ADCK2: variants seen among roughly 807,000 people sequenced by gnomAD.
The protein encoded by ADCK2 is aarF domain containing kinase 2, also known as uncharacterized aarF domain-containing protein kinase 2.
Under a neutral mutation model 52.3 loss-of-function variants are expected in ADCK2, and 37 were observed. The observed-to-expected ratio is 0.71, with a 90% confidence interval of 0.54 to 0.93. The LOEUF (loss-of-function observed/expected upper bound fraction) is 0.93, where lower values mean the gene tolerates loss of function less well. Ranked by LOEUF, ADCK2 falls within the 40% of genes least tolerant of loss-of-function variation. The probability of loss-of-function intolerance (pLI) is 0.00; values close to 1 mark genes in which losing one functional copy is unlikely to be tolerated. For synonymous variants in ADCK2, 321 were observed against 349.2 expected, an observed-to-expected ratio of 0.92 and a Z score of 0.90; for missense variants, 695 against 798.7, an observed-to-expected ratio of 0.87 and a Z score of 1.56.
intron 4 of ADCK2, 52 bp downstream of exon 4, chr7:140,681,189 A>T (rs1302624419): frequency 1.9e-6 from 3 of 1,560,788 alleles, no homozygotes; most frequent in Non-Finnish European, 2.6e-6. Flanking sequence ...CAGCTTGCAG[A>T]TGGGGAGTGG....
chr7:140,673,411 C>T lies in ADCK2; in HGVS notation c.81C>T (p.Leu27=), dbSNP rs910334503. The T allele has an allele frequency of 6.3e-7, 1 of 1,596,030 alleles. No homozygotes were observed. The highest frequency in any genetic ancestry group is 1.1e-5 in the South Asian group (1 of 88,780). ...RCFELRQGLS[L]LRPSECPRDA... is the part of the protein sequence containing the mutation. ...TCGAGCTCAGACAGGGACTCAGCCT[C>T]CTGAGGCCCTCCGAGTGCCCTCGCG... The change falls in exon 1 of 8, where the codon CTC becomes CTT. Residue 27 remains leucine, a synonymous_variant. Transcript: ENST00000072869. This position sits in a 1 kb window ranked among gnomAD's most constrained non-coding sequence, Gnocchi z 6.4.
chr7:140,681,318 T>G (rs1203579545), intron 4 of ADCK2, among the ~76,000 whole-genome samples, 181 bp downstream of exon 4: 1 of 151,074 alleles, frequency 6.6e-6, no homozygotes, highest in Admixed American at 6.6e-5. Context: ...TGTGAAGCTC[T>G]TTTATTTTTT....
Position 140,687,069 on chromosome 7 carries a change from G to GCTGC in ADCK2, c.1385_1386insCTGC (p.Gln463CysfsTer13). On this transcript the variant is annotated frameshift_variant, in exon 5 of 8. Coordinates refer to ENST00000072869, the MANE Select transcript of ADCK2 (RefSeq NM_052853.4). LOFTEE classifies it high-confidence loss of function. ...CAGGGTGCCAACGGCCTGTCCTCGA[G>GCTGC]TCAGGAGGCGCAGCTGCAGCAGGCG... is the stretch of plus-strand genomic sequence containing the variant. The GCTGC allele has an allele frequency of 6.2e-7, 1 of 1,614,062 alleles. No individual in the cohort carries two copies. Among genetic ancestry groups the GCTGC allele is most frequent in the African/African-American group, 1.3e-5 (1 of 75,040 alleles).
rs568864843 is a variant in ADCK2, at chr7:140,678,782, G to A, written c.1081-373G>A. Among the ~76,000 whole-genome samples the A allele has an allele frequency of 1.6e-3, 247 of 152,310 alleles. 2 individuals carry two copies. Among genetic ancestry groups the A allele is most frequent in the African/African-American group, 5.7e-3 (236 of 41,566 alleles). On this transcript the variant is annotated intron_variant, in intron 2 of 7. Transcript: ENST00000072869. The surrounding 1 kb of genome is among the most constrained non-coding windows in gnomAD (Gnocchi z 4.9). ...CCCTGTGTGGAAGCGCCCACAGCAC[G>A]CTGGCCCTAATGGAAAGAGAGGGCT...
rs898825408 is a variant in ADCK2, at chr7:140,694,970, A to G, written c.*167A>G. 2.9e-6 allele frequency: 4 copies of G among 1,375,494 alleles called. No homozygotes were observed. The South Asian group carries it at 5.5e-5, about 19-fold the overall frequency. 85.2% of individuals were successfully genotyped at this position (1,375,494 alleles called of 1,614,324 possible). ...CTCTGCTTGGTTTGAGGGTCTGTTCAAAAGCTTTGGGCCAATTAGGGAGTA... is the reference window on the plus strand; with the variant it reads ...CTCTGCTTGGTTTGAGGGTCTGTTCGAAAGCTTTGGGCCAATTAGGGAGTA... On this transcript the variant is annotated 3_prime_UTR_variant, in exon 8 of 8. Coordinates refer to ENST00000072869, the MANE Select transcript of ADCK2 (RefSeq NM_052853.4).
Position 140,678,238 on chromosome 7 carries a change from G to A in ADCK2, c.1081-917G>A, listed in dbSNP as rs1053430960. On this transcript the variant is annotated intron_variant, in intron 2 of 7. Transcript: ENST00000072869. The surrounding 1 kb of genome is among the most constrained non-coding windows in gnomAD (Gnocchi z 4.9). The stretch of plus-strand genomic sequence containing the variant: ...CATTGGGCCATTGCTGTGCACGGAG[G>A]GGAAGAGAGAAGGCATGATCTGGGG... 5.3e-5 allele frequency among the ~76,000 whole-genome samples: 8 copies of A among 152,180 alleles called. No individual in the cohort carries two copies. Among genetic ancestry groups the A allele is most frequent in the African/African-American group, 1.7e-4 (7 of 41,434 alleles).
At position 140,689,653 on chromosome 7, in the gene ADCK2, C is replaced by T. The variant is rs149935474; in HGVS notation, c.1614C>T (p.Asp538=). 7.7e-5 allele frequency: 124 copies of T among 1,613,536 alleles called. No homozygotes were observed. In the African/African-American group the frequency reaches 1.4e-3, roughly 18 times the overall value. The change falls in exon 6 of 8, where the codon GAC becomes GAT. Residue 538 remains aspartate (D), a synonymous_variant. Transcript: ENST00000072869. ...ATGCCCGGGCCAGCGAGTGCAGGGA[C>T]GTGGAGGGGTTCAAAACCGAGATGG... ...LHHARASECR[D]VEGFKTEMAM... is the part of the protein sequence containing the mutation.
chr7:140,682,218 C>T (rs1396163612), intron 4 of ADCK2, among the ~76,000 whole-genome samples: 1 of 152,086 alleles, frequency 6.6e-6, no homozygotes, highest in Non-Finnish European at 1.5e-5. Flanking sequence ...GGGATAGGTA[C>T]GGGGTACCAA....
chr7:140,691,715 G>A (rs1357577693), intron 7 of ADCK2, among the ~76,000 whole-genome samples: 1 of 152,240 alleles, frequency 6.6e-6, no homozygotes, highest in Non-Finnish European at 1.5e-5. Flanking sequence ...GACCTCGTTG[G>A]AAGATGGCCT....
chr7:140,686,913 C>T lies in ADCK2; in HGVS notation c.1306-77C>T, dbSNP rs1463728692. The T allele has an allele frequency of 2.6e-6, 4 of 1,565,430 alleles. No individual in the cohort carries two copies. The East Asian group carries it at 9.0e-5, about 35-fold the overall frequency. Reference sequence around the variant, plus strand: ...ATAGAGTGCTGGGAGCTTATTGTCACCTGGCAACTTTCTTTCTCTGTAGGT... The same window carrying T: ...ATAGAGTGCTGGGAGCTTATTGTCATCTGGCAACTTTCTTTCTCTGTAGGT... On this transcript the variant is annotated intron_variant, in intron 4 of 7. Coordinates refer to ENST00000072869, the MANE Select transcript of ADCK2 (RefSeq NM_052853.4).
At chr7:140,685,388 T>G (rs889527164) in intron 4 of ADCK2, among the ~76,000 whole-genome samples, 1 of 151,312 alleles carries the variant, frequency 6.6e-6, no homozygotes, top group African/African-American at 2.4e-5. Context: ...AAGTGGAGGT[T>G]GCAGTGAGCC....
chr7:140,678,076 GAGGA>G lies in ADCK2; in HGVS notation c.1081-1074_1081-1071del, dbSNP rs2130781555. Among the ~76,000 whole-genome samples, 2 of 152,296 alleles carry G rather than the reference GAGGA, an allele frequency of 1.3e-5. No homozygotes were observed. Among genetic ancestry groups the G allele is most frequent in the Admixed American group, 6.5e-5 (1 of 15,296 alleles). On this transcript the variant is annotated intron_variant, in intron 2 of 7. Transcript: ENST00000072869. The surrounding 1 kb of genome is among the most constrained non-coding windows in gnomAD (Gnocchi z 4.9). ...TTCACCATGCAGGTAATGGATTGGA[GAGGA>G]AGGATGGGTCAAGGAGCACACTCGA...
At chr7:140,682,112 C>CT (rs1794526463) in intron 4 of ADCK2, among the ~76,000 whole-genome samples, 2 of 152,190 alleles carry the variant, frequency 1.3e-5, no homozygotes, top group African/African-American at 4.8e-5. Context: ...GAATTAAGGG[C>CT]TGGGGTTACA....
At position 140,693,598 on chromosome 7, in the gene ADCK2, G is replaced by A. The variant is rs928549412; in HGVS notation, c.1741-1065G>A. On this transcript the variant is annotated intron_variant, in intron 7 of 7. Transcript: ENST00000072869. The surrounding 1 kb of genome is among the most constrained non-coding windows in gnomAD (Gnocchi z 4.0). Reference sequence around the variant, plus strand: ...TCTTTCTCTATAGAATGGGGATAACGATGATACTTTTGAAGAATAGTTGAA... The same window carrying A: ...TCTTTCTCTATAGAATGGGGATAACAATGATACTTTTGAAGAATAGTTGAA... Among the ~76,000 whole-genome samples the A allele has an allele frequency of 6.6e-6, 1 of 152,188 alleles. No homozygotes were observed. Among genetic ancestry groups the A allele is most frequent in the Non-Finnish European group, 1.5e-5 (1 of 68,048 alleles).
chr7:140,679,698 A>G (rs1273123623), intron 3 of ADCK2, among the ~76,000 whole-genome samples: 2 of 108,084 alleles, frequency 1.9e-5, no homozygotes, highest in Non-Finnish European at 3.4e-5. Context: ...TTTGAGATAG[A>G]GTCTCACTCT....
intron 2 of ADCK2, among the ~76,000 whole-genome samples, chr7:140,675,975 C>T (rs1247499200): frequency 2.0e-5 from 3 of 152,066 alleles, no homozygotes; most frequent in Non-Finnish European, 2.9e-5. Flanking sequence ...AGCAACCTGC[C>T]GAGTATTTGT....
chr7:140,694,863 C>G lies in ADCK2; in HGVS notation c.*60C>G. ...CTGGAGGCCACTCCCAAGAGCCTCT[C>G]CTATGGCAGCTGGGACGTTTTAAAA... On this transcript the variant is annotated 3_prime_UTR_variant, in exon 8 of 8. Coordinates refer to ENST00000072869, the MANE Select transcript of ADCK2 (RefSeq NM_052853.4). The G allele has an allele frequency of 6.5e-7, 1 of 1,535,174 alleles. No individual in the cohort carries two copies. The highest frequency in any genetic ancestry group is 8.7e-7 in the Non-Finnish European group (1 of 1,143,186).
At position 140,689,636 on chromosome 7, in the gene ADCK2, G is replaced by C. The variant is rs1419681846; in HGVS notation, c.1597G>C (p.Ala533Pro). 6.2e-7 allele frequency: 1 copy of C among 1,612,550 alleles called. No homozygotes were observed. Among genetic ancestry groups the C allele is most frequent in the African/African-American group, 1.3e-5 (1 of 74,854 alleles). Reference sequence around the variant, plus strand: ...TGAGCTGATCCTGCATCATGCCCGGGCCAGCGAGTGCAGGGACGTGGAGGG... The same window carrying C: ...TGAGCTGATCCTGCATCATGCCCGGCCCAGCGAGTGCAGGGACGTGGAGGG... ...VAELILHHAR[A>P]SECRDVEGFK... Residue 533 changes from alanine (A) to proline (P), a missense_variant, in exon 6 of 8, where the codon GCC becomes CCC. Ala to Pro is a conservative substitution (Grantham distance 27, BLOSUM62 -1). Coordinates refer to ENST00000072869, the MANE Select transcript of ADCK2 (RefSeq NM_052853.4).
Position 140,673,202 on chromosome 7 carries a change from C to T in ADCK2, c.-129C>T, listed in dbSNP as rs1030003855. 3.1e-5 allele frequency: 22 copies of T among 704,934 alleles called. No individual in the cohort carries two copies. Among genetic ancestry groups the T allele is most frequent in the Admixed American group, 8.5e-5 (2 of 23,570 alleles). The allele number at this position is 704,934 out of a possible 1,614,324, so 43.7% of individuals were successfully genotyped here. On this transcript the variant is annotated 5_prime_UTR_variant, in exon 1 of 8. Transcript: ENST00000072869. The surrounding 1 kb of genome is among the most constrained non-coding windows in gnomAD (Gnocchi z 6.4). Reference sequence around the variant, plus strand: ...CGGCGAGGTGCTGGAGGGAGCGGGGCGCGGATCCGGCCCAGATGGGCAGCT... The same window carrying T: ...CGGCGAGGTGCTGGAGGGAGCGGGGTGCGGATCCGGCCCAGATGGGCAGCT...
Sources: allele counts gnomAD v4.1 joint callset (sites outside exome capture counted in the v4.1 genomes callset), GRCh38; gene constraint gnomAD v4.1.1; non-coding constraint Gnocchi (gnomAD v3.1); transcripts MANE v1.5; gene names NCBI Gene and HGNC (gene_info 2026-07-23, HGNC 2026-07-21).